Variants in CFAP61 observed in about 807,000 individuals in gnomAD.
CFAP61 encodes the protein cilia and flagella associated protein 61, also known as cilia- and flagella-associated protein 61.
In CFAP61, 107 loss-of-function variants were observed where a neutral mutation model predicts 135.6. That is an observed-to-expected ratio of 0.79 (90% CI 0.67 to 0.93). The LOEUF is 0.93. CFAP61 is among the 40% of genes least tolerant of loss of function. CFAP61 has a pLI of 0.00. For missense variants in CFAP61, 1,507 were observed against 1,556.2 expected, an observed-to-expected ratio of 0.97 and a Z score of 0.53; for synonymous variants, 575 against 578.5, an observed-to-expected ratio of 0.99 and a Z score of 0.09.
chr20:20,133,251 A>G (rs766221488), intron 8 of CFAP61, among the ~76,000 whole-genome samples: 38 of 152,238 alleles, frequency 2.5e-4, no homozygotes, highest in Non-Finnish European at 4.0e-4. Flanking sequence ...CACAATAAGC[A>G]TGTATTGTTC....
At chr20:20,100,715 C>G (rs1483171334) in intron 8 of CFAP61, among the ~76,000 whole-genome samples, 1 of 152,184 alleles carries the variant, frequency 6.6e-6, no homozygotes, top group East Asian at 1.9e-4. Flanking sequence ...TCTGATGCTA[C>G]TGTTTCCTAC....
chr20:20,244,728 C>A (rs546405430), intron 18 of CFAP61, among the ~76,000 whole-genome samples: 22 of 152,358 alleles, frequency 1.4e-4, no homozygotes, highest in Admixed American at 3.9e-4. Context: ...CTGGCTTGAA[C>A]TTCTCCTCAG....
chr20:20,318,010 T>C (rs1196715836), intron 25 of CFAP61, among the ~76,000 whole-genome samples: 59 of 152,196 alleles, frequency 3.9e-4, no homozygotes, highest in Admixed American at 3.9e-3. Flanking sequence ...ATTCAGGATA[T>C]TCACATGGAC....
At chr20:20,269,532 C>T (rs986708435) in intron 21 of CFAP61, among the ~76,000 whole-genome samples, 1 of 151,904 alleles carries the variant, frequency 6.6e-6, no homozygotes, top group South Asian at 2.1e-4. Flanking sequence ...CCACCATACC[C>T]GGCTAATTTT....
At chr20:20,303,919 CT>C (rs1364299183) in intron 25 of CFAP61, among the ~76,000 whole-genome samples, 1 of 152,178 alleles carries the variant, frequency 6.6e-6, no homozygotes, top group African/African-American at 2.4e-5. Flanking sequence ...CCACTTCCCC[CT>C]ATCTATTCTC....
At chr20:20,072,091 C>A (rs1391362322) in intron 3 of CFAP61, among the ~76,000 whole-genome samples, 1 of 57,638 alleles carries the variant, frequency 1.7e-5, no homozygotes, top group Non-Finnish European at 3.5e-5. Flanking sequence ...ATCTAGCAAT[C>A]TTTTTTTTTT....
chr20:20,081,412 G>A (rs1457843406), intron 6 of CFAP61, among the ~76,000 whole-genome samples: 1 of 152,194 alleles, frequency 6.6e-6, no homozygotes, highest in African/African-American at 2.4e-5. Flanking sequence ...TAGAAAACTT[G>A]TATATAAATC....
intron 21 of CFAP61, among the ~76,000 whole-genome samples, chr20:20,272,304 G>C (rs2424307): frequency 0.094 from 14,256 of 152,168 alleles, 749 homozygotes; most frequent in Non-Finnish European, 0.12. Context: ...GCCGTGTGTG[G>C]TGGTGGGTGC....
At chr20:20,207,672 G>A (rs2056918451) in intron 17 of CFAP61, among the ~76,000 whole-genome samples, 1 of 152,206 alleles carries the variant, frequency 6.6e-6, no homozygotes, top group Non-Finnish European at 1.5e-5. Flanking sequence ...AATTAGAGCT[G>A]CAGATACTGA....
Position 20,075,606 on chromosome 20 carries a change from G to T in CFAP61, c.557G>T (p.Arg186Leu), listed in dbSNP as rs200143211. The part of the protein sequence containing the change: ...RHSHYPQLHV[R>L]KARVEDHDDL... ...AGCCACTATCCTCAGCTGCACGTTC[G>T]CAAAGCCAGGTACAGTTGGAGTCAT... is the stretch of plus-strand genomic sequence containing the variant. The change falls in exon 6 of 27, where the codon CGC becomes CTC. Residue 186 changes from arginine (R) to leucine (L), a missense_variant. Transcript: ENST00000245957. 3.7e-6 allele frequency: 6 copies of T among 1,613,906 alleles called. No homozygotes were observed. The highest frequency in any genetic ancestry group is 5.1e-6 in the Non-Finnish European group (6 of 1,179,936).
intron 18 of CFAP61, 28 bp from the exon 19 acceptor site, chr20:20,246,089 G>A (rs1569185045): frequency 2.1e-6 from 3 of 1,447,834 alleles, no homozygotes; most frequent in Non-Finnish European, 2.9e-6. Flanking sequence ...TTAACTGCTT[G>A]TTCTTTTTCA....
At chr20:20,317,602 A>G (rs370729676) in intron 25 of CFAP61, among the ~76,000 whole-genome samples, 19 of 152,252 alleles carry the variant, frequency 1.2e-4, no homozygotes, top group African/African-American at 4.3e-4. Flanking sequence ...AGGGCACCAA[A>G]TGCCACCAAC....
intron 8 of CFAP61, among the ~76,000 whole-genome samples, chr20:20,109,909 CTTT>C (rs1231325875): frequency 2.1e-5 from 3 of 143,324 alleles, no homozygotes; most frequent in East Asian, 2.0e-4. Context: ...CTGATTCATT[CTTT>C]TTTTTTTTTT....
intron 8 of CFAP61, among the ~76,000 whole-genome samples, chr20:20,130,526 T>C (rs1047022723): frequency 4.6e-5 from 7 of 151,996 alleles, no homozygotes; most frequent in African/African-American, 1.7e-4. Flanking sequence ...TCCCTCTGGC[T>C]TGTTTTTTAT....
At chr20:20,276,703 A>G (rs2053789791) in intron 21 of CFAP61, among the ~76,000 whole-genome samples, 1 of 152,244 alleles carries the variant, frequency 6.6e-6, no homozygotes, top group South Asian at 2.1e-4. Flanking sequence ...AAAAAAGGGA[A>G]AACTTCCTTG....
chr20:20,188,449 T>C (rs971645575), intron 14 of CFAP61, among the ~76,000 whole-genome samples: 4 of 152,136 alleles, frequency 2.6e-5, no homozygotes, highest in Non-Finnish European at 5.9e-5. Context: ...GGGTACCAGA[T>C]TGAGGGTAGT....
chr20:20,210,549 AG>A (rs2047557174), intron 17 of CFAP61, among the ~76,000 whole-genome samples: 2 of 152,354 alleles, frequency 1.3e-5, no homozygotes, highest in South Asian at 4.1e-4. Flanking sequence ...ATGAGTCAGC[AG>A]GGATTGGCAG....
chr20:20,056,689 A>G lies in CFAP61; in HGVS notation c.36A>G (p.Glu12=), dbSNP rs1345142444. 3.7e-6 allele frequency: 6 copies of G among 1,614,042 alleles called. No homozygotes were observed. Among genetic ancestry groups the G allele is most frequent in the Non-Finnish European group, 5.1e-6 (6 of 1,180,004 alleles). ...TCACTTCTCCAAGAGGAAAGGTAGAAGTTGTTCATTGCCGAAGAACAGAAT... is the reference window on the plus strand; with the variant it reads ...TCACTTCTCCAAGAGGAAAGGTAGAGGTTGTTCATTGCCGAAGAACAGAAT... ...SVLTSPRGKV[E]VVHCRRTESQ... is the part of the protein sequence containing the mutation. The change falls in exon 2 of 27, where the codon GAA becomes GAG. Residue 12 remains glutamate, a synonymous_variant. Coordinates refer to ENST00000245957, the MANE Select transcript of CFAP61 (RefSeq NM_015585.4).
At chr20:20,103,224 TA>T (rs929416074) in intron 8 of CFAP61, among the ~76,000 whole-genome samples, 7 of 151,540 alleles carry the variant, frequency 4.6e-5, no homozygotes, top group Admixed American at 6.6e-5. Context: ...GGTTCTACCT[TA>T]AAAAAAAAGT....
Sources: gnomAD v4.1 joint callset for allele counts (sites outside exome capture counted in the v4.1 genomes callset) on GRCh38, gnomAD v4.1.1 for gene constraint, MANE v1.5 for transcripts, NCBI Gene and HGNC (gene_info 2026-07-23, HGNC 2026-07-21) for gene names.